The following DPF3 variants were observed in gnomAD, a reference collection of about 807,000 sequenced individuals.
DPF3 encodes the protein zinc finger protein DPF3.
DPF3 carries 18 observed loss-of-function variants against 56.8 expected under a neutral mutation model. That is an observed-to-expected ratio of 0.32 (90% CI 0.22 to 0.47). DPF3 has a LOEUF of 0.47. Ranked by LOEUF, DPF3 falls within the 20% of genes least tolerant of loss-of-function variation. DPF3 has a pLI of 1.00. For synonymous variants in DPF3, 188 were observed against 180.2 expected (o/e 1.04, Z -0.35); for missense variants, 403 against 488.8 (o/e 0.82, Z 1.65).
At chr14:72,636,714 G>A (rs1334220189) in intron 8 of DPF3, among the ~76,000 whole-genome samples, 1 of 152,190 alleles carries the variant, frequency 6.6e-6, no homozygotes, top group Admixed American at 6.5e-5. Context: ...GCAAAGGTCT[G>A]CAGGTTCACC....
At chr14:72,748,386 A>G (rs1000411283) in intron 3 of DPF3, among the ~76,000 whole-genome samples, 5 of 152,250 alleles carry the variant, frequency 3.3e-5, no homozygotes, top group African/African-American at 1.2e-4. Flanking sequence ...GCATTCAAGA[A>G]GTGACTTGGG....
chr14:72,774,185 G>A (rs140778607), intron 1 of DPF3, among the ~76,000 whole-genome samples: 8 of 145,254 alleles, frequency 5.5e-5, no homozygotes, highest in East Asian at 2.1e-4. Flanking sequence ...CTCAAGAGTC[G>A]CTTGAACTCA....
Position 72,619,442 on chromosome 14 carries a change from T to G in DPF3, c.1067-75A>C, listed in dbSNP as rs1198492668. 6.8e-6 allele frequency: 10 copies of G among 1,467,560 alleles called. No individual in the cohort carries two copies. In the Admixed American group the frequency reaches 1.8e-4, roughly 27 times the overall value. The allele number at this position is 1,467,560 out of a possible 1,614,324, so 90.9% of individuals were successfully genotyped here. ...GCCCCACCCCACTGGCCCTAACTTC[T>G]TGTAAATCCTGTTTCCTTTGAACTT... On this transcript the variant is annotated intron_variant, in intron 10 of 10. Transcript: ENST00000556509.
chr14:72,637,042 C>A (rs953612592), intron 8 of DPF3, among the ~76,000 whole-genome samples: 4 of 152,248 alleles, frequency 2.6e-5, no homozygotes. Flanking sequence ...CCAGGAAACA[C>A]ATGGGATGCA....
In DPF3 at chr14:72,708,263, C is replaced by T. The variant is rs369187871; in HGVS notation, c.604+6160G>A. Among the ~76,000 whole-genome samples the T allele has an allele frequency of 7.6e-4, 116 of 152,280 alleles. 1 individual carries two copies. The highest frequency in any genetic ancestry group is 3.4e-3 in the Middle Eastern group (1 of 294). On this transcript the variant is annotated intron_variant, in intron 6 of 10. Coordinates refer to ENST00000556509, the MANE Select transcript of DPF3 (RefSeq NM_001280542.3). ...CAGCCCTGCCTCTGGCCAGTCCTGCCGGAACACCTGCAACCTGTGTCCATG... is the reference window on the plus strand; with the variant it reads ...CAGCCCTGCCTCTGGCCAGTCCTGCTGGAACACCTGCAACCTGTGTCCATG...
rs35285137 is a variant in DPF3, at chr14:72,723,736, G to GAA, written c.430-10_430-9dup. ...ATCATTTTCCAAAACCCTCTGAAAT[G>GAA]AAAAAAAAAAATAGAAAAGGTGAGA... On this transcript the variant is annotated splice_polypyrimidine_tract_variant and intron_variant, in intron 4 of 10. Coordinates refer to ENST00000556509, the MANE Select transcript of DPF3 (RefSeq NM_001280542.3). 2,818 of 1,337,040 alleles carry GAA rather than the reference G, an allele frequency of 2.1e-3. 1 individual carries two copies. Among genetic ancestry groups the GAA allele is most frequent in the South Asian group, 3.6e-3 (256 of 70,326 alleles). 82.8% of individuals were successfully genotyped at this position (1,337,040 alleles called of 1,614,324 possible).
chr14:72,668,745 TAGACAGAATTCAAATG>T lies in DPF3; in HGVS notation c.871+5479_871+5494del, dbSNP rs565427947. On this transcript the variant is annotated intron_variant, in intron 8 of 10. Transcript: ENST00000556509. The stretch of plus-strand genomic sequence containing the variant: ...TGAGAATTCTGGGACTATGAGCAAC[TAGACAGAATTCAAATG>T]AGAGTGTAGATTGGTTGAACATATG... 1.1e-4 allele frequency among the ~76,000 whole-genome samples: 16 copies of T among 152,236 alleles called. No homozygotes were observed. The South Asian group carries it at 2.3e-3, about 22-fold the overall frequency.
At chr14:72,681,889 T>C (rs577648528) in intron 7 of DPF3, among the ~76,000 whole-genome samples, 69 of 152,364 alleles carry the variant, frequency 4.5e-4, no homozygotes, top group Non-Finnish European at 7.5e-4. Context: ...CTGCCATTAA[T>C]GCTTCGGAAT....
At chr14:72,692,122 C>T (rs1887716351) in intron 7 of DPF3, among the ~76,000 whole-genome samples, 1 of 152,214 alleles carries the variant, frequency 6.6e-6, no homozygotes, top group Admixed American at 6.5e-5. Flanking sequence ...CGTTGGCTAA[C>T]ACGCATCCTC....
intron 4 of DPF3, among the ~76,000 whole-genome samples, chr14:72,726,009 A>C (rs1889393520): frequency 1.3e-5 from 2 of 152,232 alleles, no homozygotes; most frequent in African/African-American, 4.8e-5. Flanking sequence ...TCTGCTGGAC[A>C]TGACCTCTGG....
intron 1 of DPF3, among the ~76,000 whole-genome samples, chr14:72,871,080 T>C (rs1159141544): frequency 6.6e-6 from 1 of 152,166 alleles, no homozygotes; most frequent in Non-Finnish European, 1.5e-5. Context: ...AAACCCCAGA[T>C]AAACCCGTCA....
intron 7 of DPF3, among the ~76,000 whole-genome samples, chr14:72,682,685 G>A (rs1887212184): frequency 6.6e-6 from 1 of 152,216 alleles, no homozygotes; most frequent in Admixed American, 6.5e-5. Context: ...GGGAAAGCAT[G>A]AGCCTTCTGC....
chr14:72,726,802 T>C (rs1889425212), intron 4 of DPF3, among the ~76,000 whole-genome samples: 1 of 152,132 alleles, frequency 6.6e-6, no homozygotes, highest in Admixed American at 6.5e-5. Flanking sequence ...TCCCTGTTAC[T>C]CTAAACAGTC....
At chr14:72,745,474 C>T (rs1347326251) in intron 3 of DPF3, among the ~76,000 whole-genome samples, 2 of 152,018 alleles carry the variant, frequency 1.3e-5, no homozygotes, top group Non-Finnish European at 2.9e-5. Context: ...AAAATATATA[C>T]CCAATATATA....
chr14:72,790,689 A>T (rs938138258), intron 1 of DPF3, among the ~76,000 whole-genome samples: 1 of 152,136 alleles, frequency 6.6e-6, no homozygotes, highest in Non-Finnish European at 1.5e-5. Context: ...CCATTCTGTC[A>T]GTCCCCCTGA....
In DPF3 at chr14:72,650,914, A is replaced by G. The variant is rs148369684; in HGVS notation, c.872-21178T>C. Among the ~76,000 whole-genome samples, 389 of 152,114 alleles carry G rather than the reference A, an allele frequency of 2.6e-3. 3 individuals are homozygous for G. In the Middle Eastern group the frequency reaches 0.031, roughly 12 times the overall value. On this transcript the variant is annotated intron_variant, in intron 8 of 10. Coordinates refer to ENST00000556509, the MANE Select transcript of DPF3 (RefSeq NM_001280542.3). Reference sequence around the variant, plus strand: ...CTGATGTCGCTCCAGTGGCTTAAAAACCACCCTTCCAAAAATCCCCAGTTA... The same window carrying G: ...CTGATGTCGCTCCAGTGGCTTAAAAGCCACCCTTCCAAAAATCCCCAGTTA...
intron 1 of DPF3, 114 bp downstream of exon 1, chr14:72,893,943 C>G: frequency 4.1e-6 from 5 of 1,231,516 alleles, no homozygotes; most frequent in Non-Finnish European, 5.8e-6. Context: ...GAAGCCCCGC[C>G]GCGGCTGGAG....
intron 8 of DPF3, 38 bp downstream of exon 8, chr14:72,674,202 G>T: frequency 6.3e-7 from 1 of 1,598,058 alleles, no homozygotes; most frequent in Non-Finnish European, 8.5e-7. Flanking sequence ...AGCATTCCTG[G>T]TCTACGGGCA....
At chr14:72,690,538 AACAAC>A (rs1471651618) in intron 7 of DPF3, among the ~76,000 whole-genome samples, 1 of 77,762 alleles carries the variant, frequency 1.3e-5, no homozygotes, top group Non-Finnish European at 4.9e-5. Context: ...CACATGCACA[AACAAC>A]ACGCACACAC....
Sources: gnomAD v4.1 joint callset for allele counts (sites outside exome capture counted in the v4.1 genomes callset) on GRCh38, gnomAD v4.1.1 for gene constraint, MANE v1.5 for transcripts, NCBI Gene and HGNC (gene_info 2026-07-23, HGNC 2026-07-21) for gene names.